RORB: variants seen among roughly 807,000 people sequenced by gnomAD.
RORB encodes RAR related orphan receptor B.
RORB carries 6 observed loss-of-function variants against 59.1 expected under a neutral mutation model. The observed-to-expected ratio is 0.10, with a 90% CI of 0.06 to 0.20. The LOEUF (loss-of-function observed/expected upper bound fraction) is 0.20, where lower values mean the gene tolerates loss of function less well. Ranked by LOEUF, RORB falls within the 10% of genes least tolerant of loss-of-function variation. The pLI, the probability that RORB is intolerant of heterozygous loss-of-function variation, is 1.00. For synonymous variants in RORB, 215 were observed against 204.5 expected (o/e 1.05, Z -0.44); for missense variants, 320 against 560.5 (o/e 0.57, Z 4.33).
chr9:74,630,741 T>A (rs1407748751), intron 2 of RORB, among the ~76,000 whole-genome samples: 1 of 151,834 alleles, frequency 6.6e-6, no homozygotes, highest in African/African-American at 2.4e-5. Context: ...CTAATAGGTA[T>A]ATATTTAACT....
chr9:74,677,745 T>C (rs1011898750), intron 9 of RORB, among the ~76,000 whole-genome samples: 5 of 152,230 alleles, frequency 3.3e-5, no homozygotes, highest in African/African-American at 9.7e-5. Context: ...ATCTAGAGTA[T>C]GCAGCCTTCA....
chr9:74,593,338 C>T (rs1194863585), intron 1 of RORB, among the ~76,000 whole-genome samples: 2 of 151,780 alleles, frequency 1.3e-5, no homozygotes, highest in Non-Finnish European at 1.5e-5. Flanking sequence ...CAGTGGTGTA[C>T]GCCTATAATC....
intron 4 of RORB, among the ~76,000 whole-genome samples, chr9:74,649,373 C>T (rs910497960): frequency 1.6e-4 from 25 of 152,152 alleles, no homozygotes; most frequent in African/African-American, 5.6e-4. Context: ...CAGAATATCT[C>T]CCAAAGCCTG....
At chr9:74,638,842 T>C (rs1823746245) in intron 3 of RORB, among the ~76,000 whole-genome samples, 1 of 152,206 alleles carries the variant, frequency 6.6e-6, no homozygotes, top group South Asian at 2.1e-4. Flanking sequence ...AAATTAATTA[T>C]AGAATAGTAT....
At chr9:74,511,422 A>T (rs1451863768) in intron 1 of RORB, among the ~76,000 whole-genome samples, 1 of 152,040 alleles carries the variant, frequency 6.6e-6, no homozygotes, top group Non-Finnish European at 1.5e-5. Context: ...CATCTTAGAA[A>T]CTATTTTCTT....
intron 1 of RORB, chr9:74,499,256 G>C (rs1218887941): frequency 6.6e-6 from 1 of 152,578 alleles, no homozygotes; most frequent in East Asian, 1.9e-4. Flanking sequence ...GGGAGCACTT[G>C]GGAGAGTTGG....
At chr9:74,602,498 G>C (rs1823081301) in intron 1 of RORB, among the ~76,000 whole-genome samples, 1 of 152,222 alleles carries the variant, frequency 6.6e-6, no homozygotes, top group Non-Finnish European at 1.5e-5. Context: ...TTAATGCAGT[G>C]TTTGATTCCG....
intron 9 of RORB, among the ~76,000 whole-genome samples, chr9:74,684,189 C>G (rs72614689): frequency 0.058 from 8,882 of 152,174 alleles, 471 homozygotes; most frequent in East Asian, 0.29. Flanking sequence ...ATAGTCATTA[C>G]TTGTTAAAAG....
chr9:74,640,635 T>G (rs1287902769), intron 3 of RORB, among the ~76,000 whole-genome samples: 2 of 152,124 alleles, frequency 1.3e-5, no homozygotes, highest in African/African-American at 4.8e-5. Flanking sequence ...GAGTTTGGCT[T>G]CTTCAAACCC....
chr9:74,563,184 CT>C lies in RORB; in HGVS notation c.7+65222del, dbSNP rs766404071. Among the ~76,000 whole-genome samples the C allele has an allele frequency of 6.1e-3, 774 of 127,096 alleles. 4 individuals carry two copies. Among genetic ancestry groups the C allele is most frequent in the East Asian group, 0.011 (48 of 4,368 alleles). 83.4% of individuals were successfully genotyped at this position (127,096 alleles called of 152,430 possible). Reference sequence around the variant, plus strand: ...CCTTCAGTTGTCATGTCTCTTCAGTCTTTTTTTTTTTTTTTTTTTTTGATGG... The same window carrying C: ...CCTTCAGTTGTCATGTCTCTTCAGTCTTTTTTTTTTTTTTTTTTTTGATGG... On this transcript the variant is annotated intron_variant, in intron 1 of 9. Coordinates refer to ENST00000376896, the MANE Select transcript of RORB (RefSeq NM_006914.4).
rs1286967499 is a variant in RORB, at chr9:74,522,163, A to G, written c.7+24180A>G. On this transcript the variant is annotated intron_variant, in intron 1 of 9. Coordinates refer to ENST00000376896, the MANE Select transcript of RORB (RefSeq NM_006914.4). ...TATAATTACTGAATTTTAGCAGTAA[A>G]CTTAGTAAAATTACTGTATTTTAGC... Among the ~76,000 whole-genome samples, 3 of 151,884 alleles carry G rather than the reference A, an allele frequency of 2.0e-5. No homozygotes were observed. In the East Asian group the frequency reaches 5.8e-4, roughly 30 times the overall value.
intron 1 of RORB, among the ~76,000 whole-genome samples, chr9:74,521,528 A>G (rs112558003): frequency 2.0e-5 from 3 of 151,884 alleles, no homozygotes; most frequent in African/African-American, 7.2e-5. Context: ...ATAAGTCTTC[A>G]CAGTTAATAA....
chr9:74,621,279 C>A (rs1402382725), intron 1 of RORB, among the ~76,000 whole-genome samples: 1 of 152,108 alleles, frequency 6.6e-6, no homozygotes, highest in African/African-American at 2.4e-5. Context: ...TCCTCCACTC[C>A]AAACCCATGG....
At chr9:74,615,740 T>G (rs566618790) in intron 1 of RORB, 2 of 330,126 alleles carry the variant, frequency 6.1e-6, no homozygotes. Context: ...AATAAATTGA[T>G]AGCTAGGTGT....
intron 1 of RORB, among the ~76,000 whole-genome samples, chr9:74,551,075 T>C (rs764363867): frequency 8.5e-5 from 13 of 152,222 alleles, no homozygotes; most frequent in Non-Finnish European, 1.6e-4. Context: ...TTGCATTCTA[T>C]TCCATGGAAC....
chr9:74,498,385 T>G, intron 1 of RORB: 28 of 171,430 alleles, frequency 1.6e-4, no homozygotes, highest in East Asian at 4.8e-4. Flanking sequence ...CGGCCGGGTT[T>G]GGGCGCGCGG....
chr9:74,549,889 C>T lies in RORB; in HGVS notation c.7+51906C>T, dbSNP rs374992378. On this transcript the variant is annotated intron_variant, in intron 1 of 9. Coordinates refer to ENST00000376896, the MANE Select transcript of RORB (RefSeq NM_006914.4). Reference sequence around the variant, plus strand: ...GATTACAGGTGTGTGCCACTACGCCCGGCTAATCTTTTGCATTTTTAGTAG... The same window carrying T: ...GATTACAGGTGTGTGCCACTACGCCTGGCTAATCTTTTGCATTTTTAGTAG... 6.9e-4 allele frequency among the ~76,000 whole-genome samples: 105 copies of T among 152,092 alleles called. 3 individuals carry two copies. The South Asian group carries it at 0.021, about 30-fold the overall frequency.
chr9:74,642,699 G>C lies in RORB; in HGVS notation c.521G>C (p.Gly174Ala). 6.2e-7 allele frequency: 1 copy of C among 1,614,154 alleles called. No individual in the cohort carries two copies. Among genetic ancestry groups the C allele is most frequent in the Non-Finnish European group, 8.5e-7 (1 of 1,180,018 alleles). Residue 174 changes from glycine to alanine, a missense_variant, in exon 4 of 10, where the codon GGA (glycine) becomes GCA (alanine). Gly to Ala is a moderately conservative substitution (Grantham distance 60, BLOSUM62 0). This residue lies in a region of RORB where 134 missense variants were observed against 156.2 expected (regional missense o/e 0.86). Transcript: ENST00000376896. ...SPDQSGLDMT[G>A]IKQIKQEPIY... is the part of the protein sequence containing the mutation. ...GATCAGTCAGGACTTGACATGACTG[G>C]AATCAAACAGATAAAGCAAGAACCT...
At chr9:74,612,564 G>A (rs560659172) in intron 1 of RORB, among the ~76,000 whole-genome samples, 2 of 152,212 alleles carry the variant, frequency 1.3e-5, no homozygotes, top group East Asian at 1.9e-4. Flanking sequence ...GTTTCTAGGC[G>A]ACAAGCATAC....
Sources: gnomAD v4.1 joint callset for allele counts (sites outside exome capture counted in the v4.1 genomes callset) on GRCh38, gnomAD v4.1.1 for gene constraint, gnomAD v4.1.1 regional missense constraint, MANE v1.5 for transcripts, NCBI Gene and HGNC (gene_info 2026-07-23, HGNC 2026-07-21) for gene names.